The following SRCAP variants were observed in gnomAD, a reference collection of about 807,000 sequenced individuals.
SRCAP encodes chromatin remodeling protein SRCAP.
SRCAP carries 46 observed loss-of-function variants against 263.1 expected under a neutral mutation model. The observed-to-expected ratio is 0.17, with a 90% confidence interval of 0.14 to 0.22. The LOEUF (loss-of-function observed/expected upper bound fraction) is 0.22. SRCAP is among the 10% of genes least tolerant of loss of function. The pLI is 1.00. For missense variants in SRCAP, 3,695 were observed against 4,181.9 expected (o/e 0.88, Z 3.21); for synonymous variants, 1,813 against 1,662.1 (o/e 1.09, Z -2.21).
intron 6 of SRCAP, 43 bp from the exon 7 acceptor site, chr16:30,709,470 A>G (rs1644458576): frequency 6.2e-7 from 1 of 1,604,718 alleles, no homozygotes; most frequent in African/African-American, 1.3e-5. Flanking sequence ...TACATAAATA[A>G]AATGGTTATC....
At position 30,739,404 on chromosome 16, in the gene SRCAP, C is replaced by T; in HGVS notation, c.9364C>T (p.Leu3122=). 6.2e-7 allele frequency: 1 copy of T among 1,614,232 alleles called. No homozygotes were observed. Among genetic ancestry groups the T allele is most frequent in the South Asian group, 1.1e-5 (1 of 91,092 alleles). The change falls in exon 34 of 34, where the codon CTG becomes TTG. Residue 3122 remains leucine, a synonymous_variant. Coordinates refer to ENST00000262518, the MANE Select transcript of SRCAP (RefSeq NM_006662.3). ...SLTPKLRSTR[L]RPGSLVPPLE... Reference sequence around the variant, plus strand: ...AACCCCAAAACTGCGCTCGACCCGGCTGCGTCCAGGGTCTCTAGTCCCCCC... The same window carrying T: ...AACCCCAAAACTGCGCTCGACCCGGTTGCGTCCAGGGTCTCTAGTCCCCCC...
chr16:30,732,573 T>C (rs1453501252), intron 27 of SRCAP, among the ~76,000 whole-genome samples: 3 of 152,254 alleles, frequency 2.0e-5, no homozygotes, highest in African/African-American at 4.8e-5. Context: ...CCTTTACTGT[T>C]CTGATCTGTG....
intron 4 of SRCAP, among the ~76,000 whole-genome samples, chr16:30,705,544 C>T (rs569351920): frequency 2.0e-5 from 3 of 150,836 alleles, no homozygotes; most frequent in Non-Finnish European, 4.4e-5. Context: ...GGACTACAGG[C>T]GCCCGCCATC....
rs1321584434 is a variant in SRCAP at position 30,733,416 on chromosome 16, C to T, written c.6264C>T (p.Arg2088=). The T allele has an allele frequency of 6.2e-7, 1 of 1,614,062 alleles. No homozygotes were observed. Among genetic ancestry groups the T allele is most frequent in the South Asian group, 1.1e-5 (1 of 91,078 alleles). The change falls in exon 28 of 34, where the codon CGC becomes CGT. Residue 2088 remains arginine (R), a synonymous_variant. Coordinates refer to ENST00000262518, the MANE Select transcript of SRCAP (RefSeq NM_006662.3). The surrounding 1 kb of genome is among the most constrained non-coding windows in gnomAD (Gnocchi z 5.3). ...FLTYHGHLYL[R]LDGSTRVEQR... ...CCTACCATGGCCATCTCTACCTGCG[C>T]CTGGATGGATCTACTAGAGTTGAAC...
In SRCAP at chr16:30,709,750, T is replaced by G. The variant is rs751583392; in HGVS notation, c.856+15T>G. The stretch of plus-strand genomic sequence containing the variant: ...GGATGATGAAGGTGTGTGTTCTCTT[T>G]GGTCCTGTTACTCTTCCTCATGTAC... On this transcript the variant is annotated intron_variant, in intron 7 of 33. Coordinates refer to ENST00000262518, the MANE Select transcript of SRCAP (RefSeq NM_006662.3). 3 of 1,614,172 alleles carry G rather than the reference T, an allele frequency of 1.9e-6. No homozygotes were observed. The East Asian group carries it at 6.7e-5, about 36-fold the overall frequency.
intron 18 of SRCAP, among the ~76,000 whole-genome samples, chr16:30,718,189 T>TG (rs201141291): frequency 2.7e-4 from 40 of 150,132 alleles, no homozygotes; most frequent in East Asian, 1.2e-3. Flanking sequence ...TTTTTTTGGG[T>TG]GGGGGGGGCA....
In SRCAP at chr16:30,739,798, G is replaced by A. The variant is rs2053207165; in HGVS notation, c.*65G>A. The A allele has an allele frequency of 1.4e-6, 2 of 1,435,606 alleles. No homozygotes were observed. Among genetic ancestry groups the A allele is most frequent in the Non-Finnish European group, 1.8e-6 (2 of 1,091,644 alleles). The allele number at this position is 1,435,606 out of a possible 1,614,324, so 88.9% of individuals were successfully genotyped here. A position where few individuals can be genotyped will look rare whatever the true frequency, so the allele number is the denominator to read the frequency against. On this transcript the variant is annotated 3_prime_UTR_variant, in exon 34 of 34. Transcript: ENST00000262518. Reference sequence around the variant, plus strand: ...TCCCTCCATGACCAGGCCTGACTCTGTTAACCACTACTTGAAGTCTTGAGG... The same window carrying A: ...TCCCTCCATGACCAGGCCTGACTCTATTAACCACTACTTGAAGTCTTGAGG...
rs576264583 is a variant in SRCAP, at chr16:30,716,252, T to G, written c.2631-41T>G. ...CTGGGACTCGAGATTGGAGTGTAGG[T>G]GGCTGTTAGGACGTCTCATTTATTT... is the stretch of plus-strand genomic sequence containing the variant. On this transcript the variant is annotated intron_variant, in intron 17 of 33. Transcript: ENST00000262518. 6.2e-6 allele frequency: 10 copies of G among 1,613,348 alleles called. No individual in the cohort carries two copies. In the South Asian group the frequency reaches 1.1e-4, roughly 18 times the overall value.
intron 25 of SRCAP, among the ~76,000 whole-genome samples, chr16:30,726,583 C>T (rs571142992): frequency 2.0e-5 from 3 of 151,810 alleles, no homozygotes; most frequent in Admixed American, 6.6e-5. Flanking sequence ...TGCTTTGGCA[C>T]GGTCTTGGCT....
At chr16:30,727,058 C>T (rs943468962) in intron 25 of SRCAP, among the ~76,000 whole-genome samples, 1 of 152,090 alleles carries the variant, frequency 6.6e-6, no homozygotes, top group Non-Finnish European at 1.5e-5. Flanking sequence ...ACGCTGGTTT[C>T]GAATTCCACA....
chr16:30,730,755 T>G (rs2053106741), intron 27 of SRCAP, among the ~76,000 whole-genome samples: 1 of 148,114 alleles, frequency 6.8e-6, no homozygotes, highest in African/African-American at 2.5e-5. Context: ...AGATGGAGTT[T>G]CGCTGTGTTT....
At position 30,723,987 on chromosome 16, in the gene SRCAP, T is replaced by A. The variant is rs138541811; in HGVS notation, c.4563T>A (p.Pro1521=). 1,238 of 1,614,136 alleles carry A rather than the reference T, an allele frequency of 7.7e-4. 1 individual carries two copies. Among genetic ancestry groups the A allele is most frequent in the Non-Finnish European group, 1.0e-3 (1,177 of 1,180,016 alleles). The change falls in exon 25 of 34, where the codon CCT becomes CCA. Residue 1521 remains proline, a synonymous_variant. Coordinates refer to ENST00000262518, the MANE Select transcript of SRCAP (RefSeq NM_006662.3). ...CATCCCTGTCTTCATCTCAGACACC[T>A]GGTCACCCTCTGTTGTTGGCTCCCA... ...TAPSLSSSQT[P]GHPLLLAPTS...
chr16:30,711,801 A>G (rs760939557), intron 11 of SRCAP, 34 bp from the exon 12 acceptor site: 1 of 1,611,620 alleles, frequency 6.2e-7, no homozygotes, highest in South Asian at 1.1e-5. Flanking sequence ...AAGAGCAGGT[A>G]TGATGAGCAG....
Position 30,737,095 on chromosome 16 carries a change from A to C in SRCAP, c.7055A>C (p.Glu2352Ala), listed in dbSNP as rs1567253303. ...ARKDLDQAKE[E>A]VFRLPQEEEE... Reference sequence around the variant, plus strand: ...AAAGACCTGGACCAAGCCAAGGAGGAGGTGTTCCGCCTACCCCAAGAGGAG... The same window carrying C: ...AAAGACCTGGACCAAGCCAAGGAGGCGGTGTTCCGCCTACCCCAAGAGGAG... The change falls in exon 34 of 34, where the codon GAG (glutamate) becomes GCG (alanine). Residue 2352 changes from glutamate to alanine, a missense_variant. This residue lies in a region of SRCAP where 91 missense variants were observed against 150.6 expected (regional missense o/e 0.60). Transcript: ENST00000262518. The C allele has an allele frequency of 1.2e-6, 2 of 1,610,474 alleles. No individual in the cohort carries two copies. The highest frequency in any genetic ancestry group is 1.7e-6 in the Non-Finnish European group (2 of 1,177,920).
Position 30,704,270 on chromosome 16 carries a change from G to A in SRCAP, c.261G>A (p.Pro87=), listed in dbSNP as rs375952582. The change falls in exon 4 of 34, where the codon CCG becomes CCA. Residue 87 remains proline, a synonymous_variant. Coordinates refer to ENST00000262518, the MANE Select transcript of SRCAP (RefSeq NM_006662.3). ...SQAADLANKG[P]KWEKSHAEIA... is the part of the protein sequence containing the mutation. ...CTGCTGACCTGGCTAACAAGGGCCCGAAGTGGGAGAAGAGCCATGCCGAAA... is the reference window on the plus strand; with the variant it reads ...CTGCTGACCTGGCTAACAAGGGCCCAAAGTGGGAGAAGAGCCATGCCGAAA... 1.1e-5 allele frequency: 17 copies of A among 1,613,402 alleles called. No homozygotes were observed. Among genetic ancestry groups the A allele is most frequent in the South Asian group, 3.3e-5 (3 of 91,044 alleles).
chr16:30,715,552 G>A (rs534071270), intron 16 of SRCAP, among the ~76,000 whole-genome samples: 25 of 147,004 alleles, frequency 1.7e-4, no homozygotes, highest in African/African-American at 6.3e-4. Context: ...GTGACAGAGC[G>A]CAACTTTGTA....
rs1434329582 is a variant in SRCAP at position 30,710,995 on chromosome 16, C to G, written c.1229-4C>G. 1 of 1,613,500 alleles carries G rather than the reference C, an allele frequency of 6.2e-7. No homozygotes were observed. Among genetic ancestry groups the G allele is most frequent in the Non-Finnish European group, 8.5e-7 (1 of 1,179,584 alleles). On this transcript the variant is annotated splice_region_variant and splice_polypyrimidine_tract_variant and intron_variant, in intron 9 of 33. Coordinates refer to ENST00000262518, the MANE Select transcript of SRCAP (RefSeq NM_006662.3). ...TATTAATCTTGCTTCTGTCTCTTTCCTAGCGGAGGATGAAGAGGATACTAT... is the reference window on the plus strand; with the variant it reads ...TATTAATCTTGCTTCTGTCTCTTTCGTAGCGGAGGATGAAGAGGATACTAT...
rs1227631957 is a variant in SRCAP, at chr16:30,711,937, A to G, written c.1595A>G (p.Glu532Gly). 1 of 1,614,010 alleles carries G rather than the reference A, an allele frequency of 6.2e-7. No individual in the cohort carries two copies. ...ASEESESEES[E>G]DAQSQSQADE... is the part of the protein sequence containing the mutation. ...GAGGAATCTGAGTCTGAAGAGTCTGAGGATGCCCAATCACAGAGCCAAGCA... is the reference window on the plus strand; with the variant it reads ...GAGGAATCTGAGTCTGAAGAGTCTGGGGATGCCCAATCACAGAGCCAAGCA... The change falls in exon 12 of 34, where the codon GAG becomes GGG. Residue 532 changes from glutamate to glycine, a missense_variant. Around this residue, in one of 12 missense-constraint regions of SRCAP, gnomAD observed 288 missense variants for 302.4 expected, o/e 0.95. Transcript: ENST00000262518.
intron 3 of SRCAP, 22 bp from the exon 4 acceptor site, chr16:30,704,041 TC>T (rs748307883): frequency 5.0e-6 from 8 of 1,598,096 alleles, no homozygotes; most frequent in Non-Finnish European, 6.0e-6. Flanking sequence ...ATTTATTTTC[TC>T]CATCATTTTC....
Sources: allele counts gnomAD v4.1 joint callset (sites outside exome capture counted in the v4.1 genomes callset), GRCh38; gene constraint gnomAD v4.1.1; regional missense constraint gnomAD v4.1.1; non-coding constraint Gnocchi (gnomAD v3.1); transcripts MANE v1.5; gene names NCBI Gene and HGNC (gene_info 2026-07-23, HGNC 2026-07-21).